Variants in TRIP11 observed in about 807,000 individuals in gnomAD.
The protein encoded by TRIP11 is thyroid hormone receptor interactor 11, also known as thyroid receptor-interacting protein 11.
A neutral mutation model predicts 223.1 loss-of-function variants in TRIP11; 148 were observed. The observed-to-expected ratio is 0.66, with a 90% CI of 0.58 to 0.76. The LOEUF (loss-of-function observed/expected upper bound fraction) is 0.76, where lower values mean the gene tolerates loss of function less well. Among genes scored for constraint, TRIP11 ranks in the 30% least tolerant of loss-of-function variants. The pLI, the probability that TRIP11 is intolerant of heterozygous loss-of-function variation, is 0.00. For synonymous variants in TRIP11, 762 were observed against 772.6 expected, an observed-to-expected ratio of 0.99 and a Z score of 0.23; for missense variants, 2,043 against 2,222.0, an observed-to-expected ratio of 0.92 and a Z score of 1.62.
intron 12 of TRIP11, 87 bp from the exon 13 acceptor site, chr14:91,999,520 T>C (rs942103276): frequency 7.3e-7 from 1 of 1,377,302 alleles, no homozygotes; most frequent in African/African-American, 1.4e-5. Flanking sequence ...TTTCCCATTA[T>C]TGAAGATATT....
intron 11 of TRIP11, among the ~76,000 whole-genome samples, chr14:92,001,081 G>A (rs1595383948): frequency 1.3e-5 from 2 of 151,964 alleles, no homozygotes; most frequent in South Asian, 2.1e-4. Context: ...GGCTGATCTC[G>A]AACTCCTGTC....
At chr14:91,993,767 C>T (rs774333197) in intron 15 of TRIP11, 42 bp downstream of exon 15, 1 of 1,453,290 alleles carries the variant, frequency 6.9e-7, no homozygotes, top group Non-Finnish European at 9.6e-7. Context: ...GTAACTGTTC[C>T]ATGAATAATA....
chr14:92,010,589 C>G (rs1194853387), intron 9 of TRIP11, among the ~76,000 whole-genome samples: 1 of 152,028 alleles, frequency 6.6e-6, no homozygotes, highest in Non-Finnish European at 1.5e-5. Flanking sequence ...TTATGCCTCA[C>G]CACTAAGAAA....
At position 92,024,987 on chromosome 14, in the gene TRIP11, C is replaced by G. The variant is rs187077645; in HGVS notation, c.312+323G>C. Among the ~76,000 whole-genome samples, 76 of 152,162 alleles carry G rather than the reference C, an allele frequency of 5.0e-4. 1 individual carries two copies. Among genetic ancestry groups the G allele is most frequent in the Admixed American group, 4.5e-3 (69 of 15,280 alleles). On this transcript the variant is annotated intron_variant, in intron 3 of 20. Transcript: ENST00000267622. The stretch of plus-strand genomic sequence containing the variant: ...GAAAATCAAGCACATGCCAATACAA[C>G]AAATATTAGGCTTCATAAAATCAGA...
At chr14:92,029,288 T>A (rs1370756097) in intron 2 of TRIP11, among the ~76,000 whole-genome samples, 106 of 56,090 alleles carry the variant, frequency 1.9e-3, no homozygotes, top group African/African-American at 3.6e-3. Context: ...TTATTTTTTT[T>A]TTTTTTTTTT....
At chr14:92,022,784 C>CA (rs924107324) in intron 3 of TRIP11, among the ~76,000 whole-genome samples, 9 of 152,130 alleles carry the variant, frequency 5.9e-5, no homozygotes, top group Non-Finnish European at 1.3e-4. Context: ...AGCAAGTAGA[C>CA]AAAAACCAAA....
intron 3 of TRIP11, among the ~76,000 whole-genome samples, chr14:92,025,054 C>A (rs758774925): frequency 1.3e-5 from 2 of 151,984 alleles, no homozygotes; most frequent in Non-Finnish European, 2.9e-5. Context: ...TATACAAAAA[C>A]TTTTTCTTCT....
At chr14:91,988,619 C>T (rs1413630139) in intron 15 of TRIP11, among the ~76,000 whole-genome samples, 2 of 96,340 alleles carry the variant, frequency 2.1e-5, no homozygotes, top group South Asian at 6.5e-4. Context: ...TGAAAGACAA[C>T]ATGATGACAG....
At chr14:91,983,548 A>G (rs181529283) in intron 16 of TRIP11, among the ~76,000 whole-genome samples, 55 of 152,338 alleles carry the variant, frequency 3.6e-4, no homozygotes, top group African/African-American at 1.2e-3. Flanking sequence ...AATTTCTAAA[A>G]TACAGTTCAG....
intron 3 of TRIP11, among the ~76,000 whole-genome samples, chr14:92,022,551 G>A (rs996748020): frequency 2.0e-5 from 3 of 152,156 alleles, no homozygotes; most frequent in South Asian, 2.1e-4. Context: ...GACTAAAGGC[G>A]GGTAAGTCAT....
intron 2 of TRIP11, among the ~76,000 whole-genome samples, chr14:92,027,971 A>G (rs2057211609): frequency 6.6e-6 from 1 of 152,242 alleles, no homozygotes; most frequent in Non-Finnish European, 1.5e-5. Context: ...CTGAAGAACT[A>G]GTAGTAAGAA....
At chr14:91,971,539 AAAG>A (rs1386037228) in intron 20 of TRIP11, among the ~76,000 whole-genome samples, 1 of 151,990 alleles carries the variant, frequency 6.6e-6, no homozygotes, top group African/African-American at 2.4e-5. Flanking sequence ...AAGTGAGAGA[AAAG>A]AAGGGGAAAG....
chr14:92,014,674 T>C, intron 6 of TRIP11, 97 bp from the exon 7 acceptor site: 1 of 1,354,866 alleles, frequency 7.4e-7, no homozygotes, highest in Non-Finnish European at 9.8e-7. Context: ...AGTTCAGAAT[T>C]TGGAAAGCTT....
rs200974550 is a variant in TRIP11 at position 92,011,032 on chromosome 14, C to T, written c.1268G>A (p.Arg423His). 5.1e-5 allele frequency: 83 copies of T among 1,613,800 alleles called. No homozygotes were observed. The highest frequency in any genetic ancestry group is 5.8e-5 in the Non-Finnish European group (69 of 1,179,968). Residue 423 changes from arginine to histidine, a missense_variant, in exon 9 of 21, where the codon CGT becomes CAT. Physicochemically the swap from Arg to His is conservative, Grantham distance 29. Coordinates refer to ENST00000267622, the MANE Select transcript of TRIP11 (RefSeq NM_004239.4). ...CTTCTCTTTTTCTAAAACTTCGATA[C>T]GCATTTTAAGTTTCAGATTGTCTTC... ...LAEDNLKLKM[R>H]IEVLEKEKSL... is the part of the protein sequence containing the mutation.
chr14:92,010,191 A>G (rs901339500), intron 9 of TRIP11, among the ~76,000 whole-genome samples: 1 of 152,218 alleles, frequency 6.6e-6, no homozygotes, highest in African/African-American at 2.4e-5. Context: ...TACATACAAT[A>G]AAGCCCTTCT....
intron 2 of TRIP11, among the ~76,000 whole-genome samples, chr14:92,027,352 G>C (rs561888283): frequency 6.6e-6 from 1 of 152,036 alleles, no homozygotes; most frequent in South Asian, 2.1e-4. Flanking sequence ...ATCTTATTCC[G>C]AGCATTCCAA....
chr14:92,013,236 C>T (rs2056994905), intron 7 of TRIP11, among the ~76,000 whole-genome samples: 1 of 152,058 alleles, frequency 6.6e-6, no homozygotes. Context: ...CACTGCACTC[C>T]AGTCTGAGCT....
intron 1 of TRIP11, among the ~76,000 whole-genome samples, chr14:92,036,694 T>C (rs2057329041): frequency 6.6e-6 from 1 of 152,200 alleles, no homozygotes; most frequent in Non-Finnish European, 1.5e-5. Flanking sequence ...TAAACACTAA[T>C]AAATACTTGT....
Position 91,969,893 on chromosome 14 carries a change from T to A in TRIP11, c.5720A>T (p.Asp1907Val). The change falls in exon 21 of 21, where the codon GAT becomes GTT. Residue 1907 changes from aspartate to valine, a missense_variant and splice_region_variant. Coordinates refer to ENST00000267622, the MANE Select transcript of TRIP11 (RefSeq NM_004239.4). The stretch of plus-strand genomic sequence containing the variant: ...TCTACCAGACCTGGATTCTGCTGTA[T>A]CTAAAGAATAAAATATGGATTTAGT... ...RDTNAPESFK[D>V]TAESRSGRRT... 6.2e-7 allele frequency: 1 copy of A among 1,613,258 alleles called. No individual in the cohort carries two copies. Among genetic ancestry groups the A allele is most frequent in the East Asian group, 2.2e-5 (1 of 44,870 alleles).
Sources: allele counts gnomAD v4.1 joint callset (sites outside exome capture counted in the v4.1 genomes callset), GRCh38; gene constraint gnomAD v4.1.1; transcripts MANE v1.5; gene names NCBI Gene and HGNC (gene_info 2026-07-23, HGNC 2026-07-21).